The following LRRC7 variants were observed in gnomAD, a reference collection of about 807,000 sequenced individuals.
The protein encoded by LRRC7 is leucine-rich repeat-containing protein 7.
LRRC7 carries 23 observed loss-of-function variants against 175.7 expected under a neutral mutation model. The ratio of observed to expected loss-of-function variants is 0.13; its 90% CI spans 0.09 to 0.19. The LOEUF is 0.19. Among genes scored for constraint, LRRC7 ranks in the 10% least tolerant of loss-of-function variants. LRRC7 has a pLI of 1.00. For missense variants in LRRC7, 1,354 were observed against 1,904.7 expected, an observed-to-expected ratio of 0.71 and a Z score of 5.38; for synonymous variants, 685 against 680.9, an observed-to-expected ratio of 1.01 and a Z score of -0.09.
At chr1:69,796,667 G>T (rs145302811) in intron 4 of LRRC7, among the ~76,000 whole-genome samples, 1 of 152,086 alleles carries the variant, frequency 6.6e-6, no homozygotes, top group South Asian at 2.1e-4. Flanking sequence ...GGTGGCACAC[G>T]CCTATAATCC....
At chr1:69,925,534 T>C (rs1647039928) in intron 7 of LRRC7, among the ~76,000 whole-genome samples, 1 of 151,964 alleles carries the variant, frequency 6.6e-6, no homozygotes, top group Non-Finnish European at 1.5e-5. Flanking sequence ...CTTGGGAGGG[T>C]GTATGTGTCG....
chr1:70,080,250 T>C (rs1663108170), intron 24 of LRRC7, among the ~76,000 whole-genome samples: 1 of 152,216 alleles, frequency 6.6e-6, no homozygotes, highest in East Asian at 1.9e-4. Context: ...TATCCCTTAA[T>C]GTCACCCAAA....
intron 3 of LRRC7, 120 bp from the exon 4 acceptor site, chr1:69,791,923 C>T (rs959082784): frequency 4.3e-5 from 27 of 622,736 alleles, no homozygotes; most frequent in Non-Finnish European, 6.8e-5. Context: ...GGAAGTGAGG[C>T]TTTTATAACT....
chr1:70,070,687 G>C (rs1028920221), intron 23 of LRRC7, among the ~76,000 whole-genome samples: 23 of 152,106 alleles, frequency 1.5e-4, no homozygotes, highest in African/African-American at 5.3e-4. Flanking sequence ...TGACAGTTGA[G>C]GTAAAGGCTT....
At chr1:69,885,506 T>C (rs979559622) in intron 7 of LRRC7, among the ~76,000 whole-genome samples, 2 of 142,156 alleles carry the variant, frequency 1.4e-5, no homozygotes, top group African/African-American at 5.7e-5. Flanking sequence ...TTCTTCTCTC[T>C]TTTTTTCTTT....
chr1:69,660,385 A>G (rs1371673534), intron 1 of LRRC7, among the ~76,000 whole-genome samples: 1 of 152,142 alleles, frequency 6.6e-6, no homozygotes, highest in Non-Finnish European at 1.5e-5. Flanking sequence ...TTAATAGACA[A>G]ACAGAAACAA....
chr1:69,606,258 T>C (rs527554270), intron 1 of LRRC7, among the ~76,000 whole-genome samples: 2 of 152,268 alleles, frequency 1.3e-5, no homozygotes, highest in South Asian at 4.1e-4. Flanking sequence ...TTCAAAGCTA[T>C]TCAGAACACC....
intron 7 of LRRC7, among the ~76,000 whole-genome samples, chr1:69,855,644 G>A (rs1005646516): frequency 1.1e-3 from 164 of 151,888 alleles, no homozygotes; most frequent in Non-Finnish European, 1.7e-3. Flanking sequence ...TATTAGGTCT[G>A]CTTGGTGCGG....
In LRRC7 at chr1:69,810,358, TATA is replaced by T. The variant is rs559006569; in HGVS notation, c.422-15389_422-15387del. On this transcript the variant is annotated intron_variant, in intron 4 of 26. Coordinates refer to ENST00000651989, the MANE Select transcript of LRRC7 (RefSeq NM_001370785.2). ...AATGACCATACTGCCCAAAGTAATT[TATA>T]GATTCAGTTCTATCCCCATCAAGTT... is the stretch of plus-strand genomic sequence containing the variant. 6.4e-4 allele frequency among the ~76,000 whole-genome samples: 97 copies of T among 152,306 alleles called. 1 individual carries two copies. The highest frequency in any genetic ancestry group is 2.1e-3 in the African/African-American group (88 of 41,578).
chr1:70,067,163 G>C (rs1245911776), intron 23 of LRRC7, among the ~76,000 whole-genome samples: 1 of 151,950 alleles, frequency 6.6e-6, no homozygotes, highest in Non-Finnish European at 1.5e-5. Flanking sequence ...AGAGTTGAGA[G>C]TTCTTTATAT....
intron 25 of LRRC7, among the ~76,000 whole-genome samples, chr1:70,105,698 T>G (rs939276036): frequency 6.6e-6 from 1 of 152,176 alleles, no homozygotes; most frequent in Non-Finnish European, 1.5e-5. Context: ...TAAGTATAGT[T>G]TGTAATTTTT....
chr1:69,768,815 T>A (rs1671913253), intron 3 of LRRC7, among the ~76,000 whole-genome samples: 3 of 152,188 alleles, frequency 2.0e-5, no homozygotes, highest in Non-Finnish European at 4.4e-5. Flanking sequence ...TACAACACAC[T>A]GTTTGCATTT....
At position 70,076,313 on chromosome 1, in the gene LRRC7, T is replaced by A; in HGVS notation, c.4452+15T>A. The A allele has an allele frequency of 6.2e-7, 1 of 1,610,076 alleles. No individual in the cohort carries two copies. Among genetic ancestry groups the A allele is most frequent in the Non-Finnish European group, 8.5e-7 (1 of 1,176,902 alleles). ...ATCCAGAGCAGGTGAGAAGTGTTTC[T>A]TTATTACTGAAAAATCTTCAGGTAA... On this transcript the variant is annotated intron_variant, in intron 24 of 26. Transcript: ENST00000651989.
chr1:69,870,132 G>C (rs1464486522), intron 7 of LRRC7, among the ~76,000 whole-genome samples: 1 of 152,158 alleles, frequency 6.6e-6, no homozygotes, highest in Non-Finnish European at 1.5e-5. Context: ...TGAATGGTTG[G>C]TGAGGAAGTA....
intron 2 of LRRC7, among the ~76,000 whole-genome samples, chr1:69,681,432 T>C (rs978442838): frequency 2.6e-5 from 4 of 152,166 alleles, no homozygotes; most frequent in African/African-American, 4.8e-5. Context: ...ATAGTATACT[T>C]TGTATTGTTT....
chr1:69,827,778 G>A (rs1479763665), intron 5 of LRRC7, among the ~76,000 whole-genome samples: 1 of 152,014 alleles, frequency 6.6e-6, no homozygotes, highest in African/African-American at 2.4e-5. Context: ...GGACAACGCT[G>A]CAGTGAACCA....
intron 8 of LRRC7, among the ~76,000 whole-genome samples, chr1:69,973,201 C>A (rs370102683): frequency 6.6e-6 from 1 of 151,610 alleles, no homozygotes; most frequent in South Asian, 2.1e-4. Flanking sequence ...AACCAAACAT[C>A]GTATGTTGTC....
In LRRC7 at chr1:70,122,590, A is replaced by G. The variant is rs1032017849; in HGVS notation, c.*703A>G. 2 of 152,108 alleles carry G rather than the reference A, an allele frequency of 1.3e-5. No homozygotes were observed. The highest frequency in any genetic ancestry group is 6.5e-5 in the Admixed American group (1 of 15,274). 9.4% of individuals were successfully genotyped at this position (152,108 alleles called of 1,614,324 possible). A position where few individuals can be genotyped will look rare whatever the true frequency, so the allele number is the denominator to read the frequency against. ...ATTAGCCATTTATCTCTGGGACCCA[A>G]ATAAAAATAGGATGAACTAATTTGT... On this transcript the variant is annotated 3_prime_UTR_variant, in exon 27 of 27. Transcript: ENST00000651989.
intron 23 of LRRC7, among the ~76,000 whole-genome samples, chr1:70,055,289 T>C (rs1318260185): frequency 6.6e-6 from 1 of 152,144 alleles, no homozygotes; most frequent in Non-Finnish European, 1.5e-5. Context: ...GGATTTATCC[T>C]GTGGGAAATG....
Sources: allele counts gnomAD v4.1 joint callset (sites outside exome capture counted in the v4.1 genomes callset), GRCh38; gene constraint gnomAD v4.1.1; transcripts MANE v1.5; gene names NCBI Gene and HGNC (gene_info 2026-07-23, HGNC 2026-07-21).